The following PDE8A variants were observed in gnomAD, a reference collection of about 807,000 sequenced individuals.
PDE8A encodes phosphodiesterase 8A.
PDE8A carries 59 observed loss-of-function variants against 105.0 expected under a neutral mutation model. The observed-to-expected ratio is 0.56, with a 90% CI of 0.46 to 0.70. The LOEUF is 0.70. Among genes scored for constraint, PDE8A ranks in the 30% least tolerant of loss-of-function variants. The pLI is 0.00. For synonymous variants in PDE8A, 355 were observed against 371.9 expected (o/e 0.95, Z 0.52); for missense variants, 1,014 against 1,045.9 (o/e 0.97, Z 0.42).
chr15:85,012,172 A>G (rs997752826), intron 1 of PDE8A, among the ~76,000 whole-genome samples: 2 of 152,188 alleles, frequency 1.3e-5, no homozygotes, highest in African/African-American at 4.8e-5. Context: ...TAGAAATACC[A>G]TTTGACCCAG....
Position 85,091,149 on chromosome 15 carries a change from G to A in PDE8A, c.820G>A (p.Asp274Asn), listed in dbSNP as rs765470637. The change falls in exon 8 of 22, where the codon GAT (aspartate) becomes AAT (asparagine). Residue 274 changes from aspartate (D) to asparagine (N), a missense_variant. By Grantham distance (23) the Asp-to-Asn change is conservative (BLOSUM62 1). Transcript: ENST00000394553. ...AAATGAAAAAAAGGCTGACTTGCTC[G>A]ATACTATAAATTCATGCATCAGGAT... The part of the protein sequence containing the change: ...PINEKKADLL[D>N]TINSCIRIGK... The A allele has an allele frequency of 2.8e-5, 45 of 1,612,644 alleles. No homozygotes were observed. Among genetic ancestry groups the A allele is most frequent in the East Asian group, 4.5e-5 (2 of 44,834 alleles).
At chr15:85,091,841 A>C (rs1007823193) in intron 8 of PDE8A, among the ~76,000 whole-genome samples, 2 of 151,258 alleles carry the variant, frequency 1.3e-5, no homozygotes, top group Admixed American at 6.6e-5. Flanking sequence ...AGATTTTAAA[A>C]TATGATGAGA....
intron 1 of PDE8A, among the ~76,000 whole-genome samples, chr15:84,999,678 G>A (rs2080036973): frequency 6.6e-6 from 1 of 152,216 alleles, no homozygotes; most frequent in Non-Finnish European, 1.5e-5. Context: ...GGGTTCAAGC[G>A]ATTCTCCTTC....
intron 11 of PDE8A, among the ~76,000 whole-genome samples, chr15:85,102,925 A>G (rs1480185541): frequency 1.3e-5 from 2 of 151,848 alleles, no homozygotes; most frequent in African/African-American, 4.8e-5. Context: ...ACTGAGGCTC[A>G]GAAAAGTTCA....
intron 2 of PDE8A, among the ~76,000 whole-genome samples, chr15:85,065,948 T>TG (rs1251046632): frequency 6.6e-6 from 1 of 152,254 alleles, no homozygotes; most frequent in Non-Finnish European, 1.5e-5. Flanking sequence ...TTGCACCTGG[T>TG]GACTGTGTCA....
At chr15:85,025,207 C>A (rs1321587126) in intron 1 of PDE8A, among the ~76,000 whole-genome samples, 1 of 152,154 alleles carries the variant, frequency 6.6e-6, no homozygotes, top group Non-Finnish European at 1.5e-5. Context: ...TGAATTTTGA[C>A]TTGAGGCTCC....
intron 13 of PDE8A, 70 bp from the exon 14 acceptor site, chr15:85,113,803 T>A (rs2082054414): frequency 8.3e-7 from 1 of 1,204,838 alleles, no homozygotes; most frequent in South Asian, 1.4e-5. Flanking sequence ...TACAGACACG[T>A]ACTGCCATGC....
chr15:85,120,130 A>G (rs960464237), intron 17 of PDE8A: 9 of 129,794 alleles, frequency 6.9e-5, no homozygotes, highest in African/African-American at 2.7e-4. Flanking sequence ...TGATGTAAGA[A>G]GTAAAAAAAC....
intron 1 of PDE8A, among the ~76,000 whole-genome samples, chr15:85,034,154 G>A (rs1196099311): frequency 6.6e-6 from 1 of 152,192 alleles, no homozygotes; most frequent in Non-Finnish European, 1.5e-5. Context: ...TATTATTAAC[G>A]ATCATGGGAG....
In PDE8A at chr15:84,986,019, G is replaced by A. The variant is rs150346232; in HGVS notation, c.186+3671G>A. Among the ~76,000 whole-genome samples, 906 of 152,206 alleles carry A rather than the reference G, an allele frequency of 6.0e-3. 7 individuals are homozygous for A. The highest frequency in any genetic ancestry group is 0.021 in the African/African-American group (866 of 41,506). On this transcript the variant is annotated intron_variant, in intron 1 of 21. Coordinates refer to ENST00000394553, the MANE Select transcript of PDE8A (RefSeq NM_002605.3). ...GCAGAAGGATTGCTAGAGCCCAGGA[G>A]TTTGAGACCAGCCTGGACAACATCT...
At chr15:85,065,371 T>C (rs955923537) in intron 2 of PDE8A, among the ~76,000 whole-genome samples, 3 of 147,600 alleles carry the variant, frequency 2.0e-5, no homozygotes, top group East Asian at 2.1e-4. Flanking sequence ...TTGGGAGATA[T>C]ACCTAATGCT....
At chr15:85,028,771 C>T (rs542123102) in intron 1 of PDE8A, among the ~76,000 whole-genome samples, 1 of 152,150 alleles carries the variant, frequency 6.6e-6, no homozygotes, top group East Asian at 1.9e-4. Flanking sequence ...CACCTCCCAG[C>T]ACAATGAAGA....
intron 1 of PDE8A, among the ~76,000 whole-genome samples, chr15:85,027,213 G>C (rs889947053): frequency 3.3e-5 from 5 of 152,160 alleles, no homozygotes; most frequent in African/African-American, 1.2e-4. Flanking sequence ...TGTGGTCTGG[G>C]CCAGGAGTCA....
At chr15:85,061,451 G>T (rs1371185274) in intron 1 of PDE8A, among the ~76,000 whole-genome samples, 1 of 151,924 alleles carries the variant, frequency 6.6e-6, no homozygotes, top group East Asian at 1.9e-4. Context: ...TGTTGGCCAG[G>T]CTGGTTTCGA....
chr15:85,068,900 A>G (rs1307605423), intron 3 of PDE8A, among the ~76,000 whole-genome samples: 3 of 152,242 alleles, frequency 2.0e-5, no homozygotes, highest in African/African-American at 7.2e-5. Flanking sequence ...TAAAAGAAAC[A>G]TAACATTAAC....
Position 85,121,001 on chromosome 15 carries a change from A to G in PDE8A, c.1939A>G (p.Lys647Glu). The G allele has an allele frequency of 1.2e-6, 2 of 1,606,422 alleles. No homozygotes were observed. Among genetic ancestry groups the G allele is most frequent in the Non-Finnish European group, 1.7e-6 (2 of 1,174,278 alleles). ...TTGDDKCNIF[K>E]NMERNDYRTL... ...TGGAGATGATAAATGCAATATATTT[A>G]AAAACATGGAGAGGTAAGAACAATG... The change falls in exon 18 of 22, where the codon AAA becomes GAA. Residue 647 changes from lysine to glutamate, a missense_variant. Transcript: ENST00000394553.
At chr15:85,044,269 A>G (rs1349307915) in intron 1 of PDE8A, among the ~76,000 whole-genome samples, 1 of 152,192 alleles carries the variant, frequency 6.6e-6, no homozygotes, top group Non-Finnish European at 1.5e-5. Flanking sequence ...TATAACTAGA[A>G]TTTGCAATCA....
At chr15:85,128,732 C>T (rs940468646) in intron 20 of PDE8A, among the ~76,000 whole-genome samples, 10 of 152,180 alleles carry the variant, frequency 6.6e-5, no homozygotes, top group African/African-American at 2.4e-4. Flanking sequence ...TTTGTCCAGA[C>T]ACTTCCCCAA....
intron 1 of PDE8A, among the ~76,000 whole-genome samples, chr15:85,041,051 C>G (rs1200918723): frequency 6.6e-6 from 1 of 152,142 alleles, no homozygotes. Flanking sequence ...CCTTACAGAT[C>G]TTTGTGAATA....
Sources: allele counts gnomAD v4.1 joint callset (sites outside exome capture counted in the v4.1 genomes callset), GRCh38; gene constraint gnomAD v4.1.1; transcripts MANE v1.5; gene names NCBI Gene and HGNC (gene_info 2026-07-23, HGNC 2026-07-21).